MCC: variants seen among roughly 807,000 people sequenced by gnomAD.
MCC encodes the protein colorectal mutant cancer protein.
Under a neutral mutation model 116.2 loss-of-function variants are expected in MCC, and 90 were observed. The ratio of observed to expected loss-of-function variants is 0.77; its 90% CI spans 0.65 to 0.92. MCC has a LOEUF of 0.92. Among genes scored for constraint, MCC ranks in the 40% least tolerant of loss-of-function variants. The probability of loss-of-function intolerance (pLI) is 0.00; values close to 1 mark genes in which losing one functional copy is unlikely to be tolerated. For missense variants in MCC, 1,516 were observed against 1,312.2 expected (o/e 1.16, Z -2.40); for synonymous variants, 578 against 510.5 (o/e 1.13, Z -1.78).
rs77865912 is a variant in MCC, at chr5:113,353,607, T to G, written c.416-12877A>C. Among the ~76,000 whole-genome samples, 1,519 of 152,282 alleles carry G rather than the reference T, an allele frequency of 1.0e-2. 31 individuals are homozygous for G. The highest frequency in any genetic ancestry group is 0.035 in the African/African-American group (1,435 of 41,556). ...GTAAACATTTAAACCAATATAGAAT[T>G]GATAACCTGTGAAAGCCTCCTTAAA... On this transcript the variant is annotated intron_variant, in intron 2 of 18. Coordinates refer to ENST00000408903, the MANE Select transcript of MCC (RefSeq NM_001085377.2).
At chr5:113,415,548 C>T (rs929594735) in intron 1 of MCC, among the ~76,000 whole-genome samples, 8 of 152,156 alleles carry the variant, frequency 5.3e-5, no homozygotes, top group Non-Finnish European at 1.2e-4. Context: ...CTTTCTTCCA[C>T]TTGATCGAAT....
intron 14 of MCC, among the ~76,000 whole-genome samples, chr5:113,063,580 G>A (rs1303100843): frequency 1.3e-5 from 2 of 152,202 alleles, no homozygotes; most frequent in Non-Finnish European, 2.9e-5. Flanking sequence ...AGGATGAGCT[G>A]GGCTGGGCCT....
chr5:113,119,895 G>C lies in MCC; in HGVS notation c.1027+2789C>G, dbSNP rs80280063. ...ATGAGGATGCCCCATGGCGCAGATAGGTGGACACTGCCTTCTGTGTGAGGA... is the reference window on the plus strand; with the variant it reads ...ATGAGGATGCCCCATGGCGCAGATACGTGGACACTGCCTTCTGTGTGAGGA... On this transcript the variant is annotated intron_variant, in intron 6 of 18. Coordinates refer to ENST00000408903, the MANE Select transcript of MCC (RefSeq NM_001085377.2). Among the ~76,000 whole-genome samples, 265 of 152,332 alleles carry C rather than the reference G, an allele frequency of 1.7e-3. 1 individual carries two copies. The highest frequency in any genetic ancestry group is 6.2e-3 in the African/African-American group (256 of 41,578).
At chr5:113,040,136 G>T (rs925345918) in intron 17 of MCC, among the ~76,000 whole-genome samples, 1 of 151,868 alleles carries the variant, frequency 6.6e-6, no homozygotes, top group Non-Finnish European at 1.5e-5. Context: ...CACCGAAGTA[G>T]GGGGAACGAA....
chr5:113,129,652 A>G (rs532403934), intron 5 of MCC, among the ~76,000 whole-genome samples: 2 of 152,310 alleles, frequency 1.3e-5, no homozygotes, highest in African/African-American at 2.4e-5. Context: ...CCAAAAAACA[A>G]CCCCATCAAA....
At chr5:113,034,348 C>T (rs928051918) in intron 17 of MCC, among the ~76,000 whole-genome samples, 10 of 152,218 alleles carry the variant, frequency 6.6e-5, no homozygotes, top group Admixed American at 1.3e-4. Flanking sequence ...AAGCAAGCCT[C>T]GGAAGTGGTG....
At chr5:113,286,356 C>A (rs1304911467) in intron 3 of MCC, among the ~76,000 whole-genome samples, 1 of 152,202 alleles carries the variant, frequency 6.6e-6, no homozygotes, top group Non-Finnish European at 1.5e-5. Context: ...ACTGCAAGGC[C>A]ATCTTTTCCC....
At chr5:113,051,920 A>G (rs921768412) in intron 15 of MCC, among the ~76,000 whole-genome samples, 17 of 152,130 alleles carry the variant, frequency 1.1e-4, no homozygotes, top group African/African-American at 3.9e-4. Flanking sequence ...CACATCCCCA[A>G]GCAGACTGGG....
At chr5:113,072,364 A>G (rs1027693618) in intron 11 of MCC, among the ~76,000 whole-genome samples, 1 of 152,218 alleles carries the variant, frequency 6.6e-6, no homozygotes, top group East Asian at 1.9e-4. Context: ...AGGTGCCACA[A>G]GAATGCTTTT....
Position 113,450,424 on chromosome 5 carries a change from T to C in MCC, c.170+37821A>G, listed in dbSNP as rs562904850. On this transcript the variant is annotated intron_variant, in intron 1 of 18. Transcript: ENST00000408903. Reference sequence around the variant, plus strand: ...GACCCGGGAGCTTGAGGTAGTTCTTTGGCAAATATAGCTGCCTTTGACTGA... The same window carrying C: ...GACCCGGGAGCTTGAGGTAGTTCTTCGGCAAATATAGCTGCCTTTGACTGA... Among the ~76,000 whole-genome samples the C allele has an allele frequency of 1.1e-3, 172 of 152,276 alleles. 1 individual carries two copies. The highest frequency in any genetic ancestry group is 3.6e-3 in the African/African-American group (150 of 41,560).
At chr5:113,427,753 C>T (rs1434317208) in intron 1 of MCC, among the ~76,000 whole-genome samples, 1 of 152,108 alleles carries the variant, frequency 6.6e-6, no homozygotes, top group Non-Finnish European at 1.5e-5. Context: ...GAATTTAGTA[C>T]TCAGTAAAAT....
At chr5:113,398,425 T>A (rs1337724625) in intron 1 of MCC, among the ~76,000 whole-genome samples, 1 of 152,160 alleles carries the variant, frequency 6.6e-6, no homozygotes, top group East Asian at 1.9e-4. Context: ...AGACATGGAA[T>A]CAACCTAGGT....
intron 3 of MCC, among the ~76,000 whole-genome samples, chr5:113,339,592 G>C (rs541584347): frequency 6.6e-6 from 1 of 152,232 alleles, no homozygotes; most frequent in African/African-American, 2.4e-5. Context: ...AACCTTGACA[G>C]TTTTGAGGAG....
chr5:113,268,242 T>C (rs1475742719), intron 3 of MCC, among the ~76,000 whole-genome samples: 1 of 152,200 alleles, frequency 6.6e-6, no homozygotes, highest in African/African-American at 2.4e-5. Context: ...GCTAAAACAT[T>C]AGTACCTAAC....
intron 1 of MCC, among the ~76,000 whole-genome samples, chr5:113,431,365 C>T (rs1318221052): frequency 6.6e-6 from 1 of 152,040 alleles, no homozygotes; most frequent in Non-Finnish European, 1.5e-5. Context: ...GTTGGCAGGG[C>T]CTTTCTCTCT....
At chr5:113,366,637 G>A (rs1561539819) in intron 2 of MCC, among the ~76,000 whole-genome samples, 1 of 152,114 alleles carries the variant, frequency 6.6e-6, no homozygotes, top group Non-Finnish European at 1.5e-5. Context: ...ATAAGGTCAT[G>A]TAATTTTTAT....
intron 8 of MCC, among the ~76,000 whole-genome samples, chr5:113,091,753 C>A (rs1273162418): frequency 1.3e-5 from 2 of 151,958 alleles, no homozygotes; most frequent in African/African-American, 4.8e-5. Flanking sequence ...AGGAGTGGTG[C>A]GTGAGCCAGT....
At chr5:113,411,560 A>ATT (rs368899898) in intron 1 of MCC, among the ~76,000 whole-genome samples, 10 of 149,644 alleles carry the variant, frequency 6.7e-5, no homozygotes, top group African/African-American at 1.7e-4. Flanking sequence ...TTCAGGAGCG[A>ATT]TTTTTTTTTT....
At chr5:113,233,128 T>C (rs1053847796) in intron 3 of MCC, among the ~76,000 whole-genome samples, 3 of 152,164 alleles carry the variant, frequency 2.0e-5, no homozygotes, top group African/African-American at 7.2e-5. Flanking sequence ...ATGAGTGTTA[T>C]AGGCCCATCC....
Sources: allele counts gnomAD v4.1 joint callset (sites outside exome capture counted in the v4.1 genomes callset), GRCh38; gene constraint gnomAD v4.1.1; transcripts MANE v1.5; gene names NCBI Gene and HGNC (gene_info 2026-07-23, HGNC 2026-07-21).